The following MAN1C1 variants were observed in gnomAD, a reference collection of about 807,000 sequenced individuals.
MAN1C1 encodes mannosyl-oligosaccharide 1,2-alpha-mannosidase IC.
MAN1C1 carries 49 observed loss-of-function variants against 71.5 expected under a neutral mutation model. That is an observed-to-expected ratio of 0.69 (90% CI 0.54 to 0.87). The LOEUF is 0.87. Ranked by LOEUF, MAN1C1 falls within the 40% of genes least tolerant of loss-of-function variation. MAN1C1 has a pLI of 0.00. For missense variants in MAN1C1, 743 were observed against 835.0 expected (o/e 0.89, Z 1.36); for synonymous variants, 352 against 343.7 (o/e 1.02, Z -0.27).
chr1:25,662,530 C>T (rs561687407), intron 1 of MAN1C1, among the ~76,000 whole-genome samples: 140 of 151,590 alleles, frequency 9.2e-4, no homozygotes, highest in Non-Finnish European at 1.3e-3. Context: ...AAACTATAAA[C>T]GTTCCTCCCC....
chr1:25,653,464 T>C (rs1370206618), intron 1 of MAN1C1, among the ~76,000 whole-genome samples: 1 of 152,240 alleles, frequency 6.6e-6, no homozygotes, highest in African/African-American at 2.4e-5. Context: ...TCTTTTTGTG[T>C]TGTGTTGTGA....
intron 1 of MAN1C1, among the ~76,000 whole-genome samples, chr1:25,685,812 A>G (rs1036011623): frequency 2.6e-5 from 4 of 152,206 alleles, no homozygotes; most frequent in African/African-American, 9.6e-5. Flanking sequence ...AGGAACAACA[A>G]GTAACTGGGG....
At chr1:25,695,330 C>G (rs556385524) in intron 2 of MAN1C1, among the ~76,000 whole-genome samples, 16 of 152,104 alleles carry the variant, frequency 1.1e-4, no homozygotes, top group Non-Finnish European at 2.2e-4. Context: ...AAAGCGCCAT[C>G]CGGAGGCCAG....
At chr1:25,649,466 C>T (rs894220068) in intron 1 of MAN1C1, among the ~76,000 whole-genome samples, 1 of 152,232 alleles carries the variant, frequency 6.6e-6, no homozygotes, top group Non-Finnish European at 1.5e-5. Context: ...CTCACCCTCA[C>T]TCTTGTTTTC....
chr1:25,750,540 G>A (rs1000612582), intron 4 of MAN1C1, among the ~76,000 whole-genome samples: 1 of 152,196 alleles, frequency 6.6e-6, no homozygotes, highest in Non-Finnish European at 1.5e-5. Context: ...TGTCTGGAAA[G>A]TCATTTCCGC....
At chr1:25,749,624 CT>C (rs2047187981) in intron 4 of MAN1C1, among the ~76,000 whole-genome samples, 1 of 152,218 alleles carries the variant, frequency 6.6e-6, no homozygotes, top group African/African-American at 2.4e-5. Flanking sequence ...ATGGCTCTTC[CT>C]CCTTTACTCT....
At chr1:25,777,782 AACAGAGG>A in intron 8 of MAN1C1, 2 of 249,100 alleles carry the variant, frequency 8.0e-6, no homozygotes, top group South Asian at 3.0e-4. Context: ...GTTAAGATCA[AACAGAGG>A]ACATAATGGA....
intron 2 of MAN1C1, among the ~76,000 whole-genome samples, chr1:25,736,165 G>A (rs2744772): frequency 0.26 from 38,897 of 151,998 alleles, 9,261 homozygotes; most frequent in African/African-American, 0.63. Context: ...TTGAGGCAAA[G>A]AGAGTACTGC....
rs544064095 is a variant in MAN1C1 at position 25,669,623 on chromosome 1, T to C, written c.541-16817T>C. ...CTTTTTTAAAAAAAAATTGTAAAAA[T>C]CAGCCAAGTGTGGTGGCACACACCT... On this transcript the variant is annotated intron_variant, in intron 1 of 11. Coordinates refer to ENST00000374332, the MANE Select transcript of MAN1C1 (RefSeq NM_020379.4). Among the ~76,000 whole-genome samples the C allele has an allele frequency of 4.6e-5, 7 of 152,058 alleles. No individual in the cohort carries two copies. In the South Asian group the frequency reaches 1.5e-3, roughly 32 times the overall value.
At chr1:25,716,192 A>G (rs560087262) in intron 2 of MAN1C1, among the ~76,000 whole-genome samples, 5 of 152,318 alleles carry the variant, frequency 3.3e-5, no homozygotes, top group Admixed American at 1.3e-4. Context: ...TTTTATTCCC[A>G]TGGCCATGTG....
intron 2 of MAN1C1, among the ~76,000 whole-genome samples, chr1:25,741,105 C>A (rs961633522): frequency 6.6e-6 from 1 of 151,892 alleles, no homozygotes; most frequent in Non-Finnish European, 1.5e-5. Context: ...GTGAAACATG[C>A]GATGCCCAAA....
At chr1:25,679,424 G>T (rs192372339) in intron 1 of MAN1C1, among the ~76,000 whole-genome samples, 58 of 152,234 alleles carry the variant, frequency 3.8e-4, no homozygotes, top group Middle Eastern at 3.4e-3. Context: ...GGAACTGGGG[G>T]CTAAGAAGAA....
At chr1:25,656,605 T>C (rs1182362970) in intron 1 of MAN1C1, among the ~76,000 whole-genome samples, 1 of 152,198 alleles carries the variant, frequency 6.6e-6, no homozygotes, top group Non-Finnish European at 1.5e-5. Flanking sequence ...CTGTGGTTAA[T>C]CTTCTGTGTG....
At chr1:25,636,355 A>G (rs140602354) in intron 1 of MAN1C1, among the ~76,000 whole-genome samples, 243 of 152,286 alleles carry the variant, frequency 1.6e-3, no homozygotes, top group African/African-American at 5.2e-3. Context: ...TCAGCCACAT[A>G]AGATAGACAC....
In MAN1C1 at chr1:25,753,506, G is replaced by T. The variant is rs956817465; in HGVS notation, c.857G>T (p.Arg286Met). 6.2e-7 allele frequency: 1 copy of T among 1,613,944 alleles called. No individual in the cohort carries two copies. Among genetic ancestry groups the T allele is most frequent in the Middle Eastern group, 1.7e-4 (1 of 6,060 alleles). The change falls in exon 5 of 12, where the codon AGG becomes ATG. Residue 286 changes from arginine (R) to methionine (M), a missense_variant. Arg to Met is a moderately conservative substitution (Grantham distance 91). Transcript: ENST00000374332. The surrounding 1 kb of genome is among the most constrained non-coding windows in gnomAD (Gnocchi z 4.9). ...CAGGTGTTCCGAATAAAGGCCATCA[G>T]GCTGGGAGAGAAGCTCCTGCCGGCG... ...GEEVFRIKAI[R>M]LGEKLLPAFN...
chr1:25,633,487 G>A (rs1370921550), intron 1 of MAN1C1, among the ~76,000 whole-genome samples: 2 of 147,834 alleles, frequency 1.4e-5, no homozygotes, highest in Non-Finnish European at 3.0e-5. Flanking sequence ...ATTGTAATAT[G>A]TTCTTGTTGG....
intron 2 of MAN1C1, among the ~76,000 whole-genome samples, chr1:25,723,913 A>G (rs185383413): frequency 2.6e-4 from 39 of 152,332 alleles, no homozygotes; most frequent in Admixed American, 1.4e-3. Context: ...GGGATACTGT[A>G]TCAGTTACAA....
chr1:25,778,158 C>T lies in MAN1C1; in HGVS notation c.1311C>T (p.Ala437=), dbSNP rs144169583. The T allele has an allele frequency of 1.6e-5, 25 of 1,605,258 alleles. No homozygotes were observed. In the Admixed American group the frequency reaches 2.7e-4, roughly 17 times the overall value. ...NVSPGGLTYI[A]EWRGGILDHK... is the part of the protein sequence containing the mutation. ...CTCCCGGGGGGCTGACCTACATTGCCGAGTGGCGAGGGGGGATTCTGGACC... is the reference window on the plus strand; with the variant it reads ...CTCCCGGGGGGCTGACCTACATTGCTGAGTGGCGAGGGGGGATTCTGGACC... The change falls in exon 9 of 12, where the codon GCC becomes GCT. Residue 437 remains alanine (A), a synonymous_variant. Coordinates refer to ENST00000374332, the MANE Select transcript of MAN1C1 (RefSeq NM_020379.4). The surrounding 1 kb of genome is among the most constrained non-coding windows in gnomAD (Gnocchi z 5.5).
chr1:25,628,727 C>G (rs2045336611), intron 1 of MAN1C1, among the ~76,000 whole-genome samples: 3 of 152,138 alleles, frequency 2.0e-5, no homozygotes, highest in Non-Finnish European at 4.4e-5. Context: ...AGATTGTACT[C>G]AGTATATAGG....
Sources: gnomAD v4.1 joint callset for allele counts (sites outside exome capture counted in the v4.1 genomes callset) on GRCh38, gnomAD v4.1.1 for gene constraint, Gnocchi (gnomAD v3.1) non-coding constraint, MANE v1.5 for transcripts, NCBI Gene and HGNC (gene_info 2026-07-23, HGNC 2026-07-21) for gene names.